OTOGL: variants seen among roughly 807,000 people sequenced by gnomAD.
OTOGL encodes otogelin-like protein.
OTOGL carries 285 observed loss-of-function variants against 318.5 expected under a neutral mutation model. That is an observed-to-expected ratio of 0.89 (90% CI 0.81 to 0.99). OTOGL has a LOEUF of 0.99. OTOGL is among the 50% of genes least tolerant of loss of function. The pLI, the probability that OTOGL is intolerant of heterozygous loss-of-function variation, is 0.00. For synonymous variants in OTOGL, 987 were observed against 936.5 expected (o/e 1.05, Z -0.99); for missense variants, 2,899 against 2,845.6 (o/e 1.02, Z -0.43).
In OTOGL at chr12:80,189,381, G is replaced by T. The variant is rs559374258; in HGVS notation, c.-19-20032G>T. The T allele has an allele frequency of 8.4e-6, 8 of 957,114 alleles. No homozygotes were observed. In the Admixed American group the frequency reaches 4.9e-4, roughly 59 times the overall value. 59.3% of individuals were successfully genotyped at this position (957,114 alleles called of 1,614,324 possible). A position where few individuals can be genotyped will look rare whatever the true frequency, so the allele number is the denominator to read the frequency against. ...AGCATGCCTCTGAGTAAAACAAAGAGAATCCAGTCTTTGACCAATTGACCA... is the reference window on the plus strand; with the variant it reads ...AGCATGCCTCTGAGTAAAACAAAGATAATCCAGTCTTTGACCAATTGACCA... On this transcript the variant is annotated intron_variant, in intron 1 of 58. Coordinates refer to ENST00000547103, the MANE Select transcript of OTOGL (RefSeq NM_001378609.3).
At chr12:80,249,354 C>G (rs1464878441) in intron 11 of OTOGL, among the ~76,000 whole-genome samples, 2 of 151,422 alleles carry the variant, frequency 1.3e-5, no homozygotes, top group Non-Finnish European at 2.9e-5. Flanking sequence ...GTGTGGATGT[C>G]CTTTCTGTTT....
chr12:80,266,344 C>A, intron 20 of OTOGL, 107 bp from the exon 21 acceptor site: 12 of 1,184,338 alleles, frequency 1.0e-5, no homozygotes, highest in Non-Finnish European at 1.3e-5. Flanking sequence ...CAATTCCTTG[C>A]CTTGTAACAG....
intron 1 of OTOGL, among the ~76,000 whole-genome samples, chr12:80,196,605 A>G (rs904356837): frequency 6.6e-6 from 1 of 152,080 alleles, no homozygotes; most frequent in Non-Finnish European, 1.5e-5. Flanking sequence ...CCACCTGGAC[A>G]TCGTTCCCCG....
At position 80,320,487 on chromosome 12, in the gene OTOGL, G is replaced by T. The variant is rs779429202; in HGVS notation, c.3868G>T (p.Asp1290Tyr). Residue 1290 changes from aspartate to tyrosine, a missense_variant, in exon 34 of 59, where the codon GAT (aspartate) becomes TAT (tyrosine). Asp to Tyr is a radical substitution (Grantham distance 160, BLOSUM62 -3). Coordinates refer to ENST00000547103, the MANE Select transcript of OTOGL (RefSeq NM_001378609.3). Reference sequence around the variant, plus strand: ...CTACTTTCTCTATGTCCATGACAATGATACTCTTAGCTTGGAGCTGTGGGA... The same window carrying T: ...CTACTTTCTCTATGTCCATGACAATTATACTCTTAGCTTGGAGCTGTGGGA... ...PNYFLYVHDNDTLSLELWEAN... is the reference protein window; with the variant it reads ...PNYFLYVHDNYTLSLELWEAN... The T allele has an allele frequency of 1.2e-6, 2 of 1,613,536 alleles. No individual in the cohort carries two copies. The highest frequency in any genetic ancestry group is 2.2e-5 in the South Asian group (2 of 91,072).
chr12:80,280,196 G>A (rs2137629076), intron 26 of OTOGL, among the ~76,000 whole-genome samples: 1 of 151,830 alleles, frequency 6.6e-6, no homozygotes, highest in African/African-American at 2.4e-5. Flanking sequence ...CTGGTTATTA[G>A]GCCTTTGTAG....
At chr12:80,189,739 T>C (rs1455559714) in intron 1 of OTOGL, among the ~76,000 whole-genome samples, 1 of 152,212 alleles carries the variant, frequency 6.6e-6, no homozygotes. Context: ...GACTATTTGA[T>C]GCACCTGGAG....
intron 26 of OTOGL, among the ~76,000 whole-genome samples, chr12:80,280,901 T>G (rs576288431): frequency 5.8e-4 from 88 of 152,042 alleles, no homozygotes; most frequent in East Asian, 5.8e-4. Context: ...GTTGTAGAGA[T>G]CTTTCATTTT....
rs1164951724 is a variant in OTOGL, at chr12:80,146,339, G to A, written c.-20+46734G>A. Among the ~76,000 whole-genome samples, 9 of 142,378 alleles carry A rather than the reference G, an allele frequency of 6.3e-5. 2 individuals are homozygous for A. Among genetic ancestry groups the A allele is most frequent in the African/African-American group, 1.5e-4 (5 of 32,612 alleles). The allele number at this position is 142,378 out of a possible 152,430, so 93.4% of individuals were successfully genotyped here. A position where few individuals can be genotyped will look rare whatever the true frequency, so the allele number is the denominator to read the frequency against. ...ATCATGTGGTTTTTGTCTTTGGCTC[G>A]GTTTATATGCTGGATTACATTTATT... On this transcript the variant is annotated intron_variant, in intron 1 of 58. Coordinates refer to ENST00000547103, the MANE Select transcript of OTOGL (RefSeq NM_001378609.3).
intron 24 of OTOGL, among the ~76,000 whole-genome samples, chr12:80,272,280 C>G (rs940993945): frequency 2.0e-5 from 3 of 151,906 alleles, no homozygotes; most frequent in African/African-American, 7.3e-5. Flanking sequence ...AATCCCAGCC[C>G]TGACACTGTT....
At chr12:80,169,839 G>A (rs941429300) in intron 1 of OTOGL, among the ~76,000 whole-genome samples, 2 of 152,018 alleles carry the variant, frequency 1.3e-5, no homozygotes, top group Admixed American at 6.6e-5. Flanking sequence ...TGCATATATC[G>A]ATAGTTCATT....
At chr12:80,205,374 G>A (rs1592544290) in intron 1 of OTOGL, among the ~76,000 whole-genome samples, 1 of 152,188 alleles carries the variant, frequency 6.6e-6, no homozygotes, top group African/African-American at 2.4e-5. Context: ...AAAAACAAAT[G>A]TCGCTATAAA....
At chr12:80,249,792 G>C (rs1881326224) in intron 11 of OTOGL, among the ~76,000 whole-genome samples, 3 of 152,114 alleles carry the variant, frequency 2.0e-5, no homozygotes, top group Non-Finnish European at 2.9e-5. Context: ...TTTGATCTCA[G>C]ACTGCTGTAC....
intron 49 of OTOGL, 57 bp from the exon 50 acceptor site, chr12:80,358,191 A>C: frequency 8.9e-7 from 1 of 1,121,708 alleles, no homozygotes. Context: ...TTAAACTCAT[A>C]TTATAATTCA....
At chr12:80,360,844 TTTTA>T (rs1566014791) in intron 52 of OTOGL, among the ~76,000 whole-genome samples, 2 of 152,070 alleles carry the variant, frequency 1.3e-5, no homozygotes, top group Admixed American at 6.6e-5. Flanking sequence ...TAATTTTATT[TTTTA>T]TTTATTTATT....
At chr12:80,213,168 G>T (rs1436108412) in intron 4 of OTOGL, among the ~76,000 whole-genome samples, 2 of 152,208 alleles carry the variant, frequency 1.3e-5, no homozygotes, top group Non-Finnish European at 2.9e-5. Flanking sequence ...CCAGGAAAGG[G>T]ACAGGAATTT....
At chr12:80,361,012 A>G (rs1890209369) in intron 52 of OTOGL, 2 of 152,036 alleles carry the variant, frequency 1.3e-5, no homozygotes, top group South Asian at 4.1e-4. Flanking sequence ...TTATCTTAAC[A>G]ATTTTTAAAA....
intron 35 of OTOGL, among the ~76,000 whole-genome samples, chr12:80,325,958 A>G (rs538929487): frequency 1.3e-5 from 2 of 152,256 alleles, no homozygotes; most frequent in African/African-American, 2.4e-5. Flanking sequence ...GTAGCTGTCC[A>G]TAAGTTTCTC....
chr12:80,356,941 G>A (rs756999475), intron 49 of OTOGL, 27 bp downstream of exon 49: 3 of 1,418,898 alleles, frequency 2.1e-6, no homozygotes, highest in Admixed American at 2.6e-5. Context: ...TAATTTCTTG[G>A]AAGAAGAGAA....
chr12:80,255,104 T>G lies in OTOGL; in HGVS notation c.1506T>G (p.Ile502Met). 1 of 1,529,338 alleles carries G rather than the reference T, an allele frequency of 6.5e-7. No homozygotes were observed. The highest frequency in any genetic ancestry group is 8.8e-7 in the Non-Finnish European group (1 of 1,139,750). The allele number at this position is 1,529,338 out of a possible 1,614,324, so 94.7% of individuals were successfully genotyped here. The change falls in exon 16 of 59, where the codon ATT becomes ATG. Residue 502 changes from isoleucine (I) to methionine (M), a missense_variant. Ile to Met is a conservative substitution (Grantham distance 10, BLOSUM62 1). Transcript: ENST00000547103. ...TTGATGGTCGACATTATTCTTTTAT[T>G]GGCATGTGCCAATACATCCTCGTGA... ...TTFDGRHYSF[I>M]GMCQYILVKG...
Sources: gnomAD v4.1 joint callset for allele counts (sites outside exome capture counted in the v4.1 genomes callset) on GRCh38, gnomAD v4.1.1 for gene constraint, MANE v1.5 for transcripts, NCBI Gene and HGNC (gene_info 2026-07-23, HGNC 2026-07-21) for gene names.